Variants in UBN1 observed in about 807,000 individuals in gnomAD.
UBN1 encodes ubinuclein 1, also known as ubinuclein-1.
UBN1 carries 17 observed loss-of-function variants against 108.5 expected under a neutral mutation model. The observed-to-expected ratio is 0.16, with a 90% CI of 0.11 to 0.24. UBN1 has a LOEUF of 0.24. Ranked by LOEUF, UBN1 falls within the 10% of genes least tolerant of loss-of-function variation. The probability of loss-of-function intolerance (pLI) is 1.00; values close to 1 mark genes in which losing one functional copy is unlikely to be tolerated. For missense variants in UBN1, 1,595 were observed against 1,394.4 expected (o/e 1.14, Z -2.29); for synonymous variants, 726 against 564.2 (o/e 1.29, Z -4.07).
At chr16:4,857,111 A>G (rs111431826) in intron 2 of UBN1, among the ~76,000 whole-genome samples, 17,668 of 151,972 alleles carry the variant, frequency 0.12, 1,272 homozygotes, top group South Asian at 0.26. Flanking sequence ...GGAGGCTGAG[A>G]TGGGCAGATC....
intron 14 of UBN1, among the ~76,000 whole-genome samples, 197 bp from the exon 15 acceptor site, chr16:4,874,014 T>C (rs1398550319): frequency 6.6e-6 from 1 of 152,170 alleles, no homozygotes; most frequent in Non-Finnish European, 1.5e-5. Context: ...GCCAACCAGA[T>C]ACTCACCAGG....
chr16:4,877,813 A>AG lies in UBN1; in HGVS notation c.3355+342dup. ...CTCTTCAGTTTAAAAAAAAAAAAAAAGGGAAGGTAATGGTGCATCTTCTCC... is the reference window on the plus strand; with the variant it reads ...CTCTTCAGTTTAAAAAAAAAAAAAAAGGGGAAGGTAATGGTGCATCTTCTCC... On this transcript the variant is annotated intron_variant, in intron 17 of 17. Coordinates refer to ENST00000262376, the MANE Select transcript of UBN1 (RefSeq NM_001079514.3). The surrounding 1 kb of genome is among the most constrained non-coding windows in gnomAD (Gnocchi z 4.3). The AG allele has an allele frequency of 3.9e-6, 4 of 1,022,438 alleles. No homozygotes were observed. Among genetic ancestry groups the AG allele is most frequent in the Non-Finnish European group, 4.7e-6 (4 of 851,800 alleles). 63.3% of individuals were successfully genotyped at this position (1,022,438 alleles called of 1,614,324 possible). A position where few individuals can be genotyped will look rare whatever the true frequency, so the allele number is the denominator to read the frequency against.
Position 4,876,956 on chromosome 16 carries a change from C to T in UBN1, c.3110C>T (p.Ala1037Val), listed in dbSNP as rs747992725. 7 of 1,614,208 alleles carry T rather than the reference C, an allele frequency of 4.3e-6. No individual in the cohort carries two copies. The highest frequency in any genetic ancestry group is 5.1e-6 in the Non-Finnish European group (6 of 1,180,040). Reference protein sequence around the residue: ...YKSSSPKLSGAMSSNSLGIIT... With the variant: ...YKSSSPKLSGVMSSNSLGIIT... Reference sequence around the variant, plus strand: ...TCCAGCAGCCCAAAGCTGTCTGGGGCCATGAGCTCGAACTCCTTGGGAATT... The same window carrying T: ...TCCAGCAGCCCAAAGCTGTCTGGGGTCATGAGCTCGAACTCCTTGGGAATT... Residue 1037 changes from alanine (A) to valine (V), a missense_variant, in exon 16 of 18, where the codon GCC (alanine) becomes GTC (valine). Ala to Val is a moderately conservative substitution (Grantham distance 64, BLOSUM62 0). This residue lies in a region of UBN1 where 1,398 missense variants were observed against 1,194.7 expected (regional missense o/e 1.17). Transcript: ENST00000262376.
chr16:4,878,738 C>A (rs779148002), intron 17 of UBN1, among the ~76,000 whole-genome samples: 4 of 152,184 alleles, frequency 2.6e-5, no homozygotes, highest in Non-Finnish European at 5.9e-5. Context: ...AGGCCGGACG[C>A]GGTGGCTATC....
intron 2 of UBN1, among the ~76,000 whole-genome samples, 176 bp from the exon 3 acceptor site, chr16:4,857,814 G>A (rs2086883522): frequency 6.6e-6 from 1 of 152,160 alleles, no homozygotes; most frequent in South Asian, 2.1e-4. Flanking sequence ...TACATTAAGG[G>A]AAATTTTACT....
At position 4,853,618 on chromosome 16, in the gene UBN1, G is replaced by C. The variant is rs867175268; in HGVS notation, c.249+452G>C. On this transcript the variant is annotated intron_variant, in intron 2 of 17. Coordinates refer to ENST00000262376, the MANE Select transcript of UBN1 (RefSeq NM_001079514.3). Reference sequence around the variant, plus strand: ...TGTCGTCCAGGCTGGAATGCAATGGGGCGATCTCGGCTCACTGTAACCTCC... The same window carrying C: ...TGTCGTCCAGGCTGGAATGCAATGGCGCGATCTCGGCTCACTGTAACCTCC... Among the ~76,000 whole-genome samples the C allele has an allele frequency of 6.9e-4, 105 of 151,314 alleles. 1 individual carries two copies. The Middle Eastern group carries it at 0.024, about 35-fold the overall frequency.
chr16:4,873,436 G>A (rs2087734927), intron 14 of UBN1, among the ~76,000 whole-genome samples: 1 of 152,202 alleles, frequency 6.6e-6, no homozygotes, highest in Non-Finnish European at 1.5e-5. Flanking sequence ...AGCCACAGCA[G>A]AAAGAAAAGG....
intron 8 of UBN1, 43 bp downstream of exon 8, chr16:4,868,946 A>G (rs775651954): frequency 6.2e-6 from 10 of 1,607,528 alleles, no homozygotes; most frequent in Admixed American, 3.4e-5. Flanking sequence ...TGTTTCTGCT[A>G]TTACTGAGCT....
rs765884409 is a variant in UBN1, at chr16:4,874,225, G to A, written c.1815G>A (p.Lys605=). ...TTTTCCTTTAGGAATCGTCTACGAAGCCTGATAAAAAGGTTTCTGTCCCAT... is the reference window on the plus strand; with the variant it reads ...TTTTCCTTTAGGAATCGTCTACGAAACCTGATAAAAAGGTTTCTGTCCCAT... ...SKIKVKESST[K]PDKKVSVPSG... Residue 605 remains lysine, a synonymous_variant, in exon 15 of 18, where the codon AAG becomes AAA. Transcript: ENST00000262376. 1.9e-6 allele frequency: 3 copies of A among 1,560,980 alleles called. No individual in the cohort carries two copies. In the South Asian group the frequency reaches 3.5e-5, roughly 18 times the overall value.
intron 8 of UBN1, among the ~76,000 whole-genome samples, chr16:4,869,279 C>G (rs2087489393): frequency 6.6e-6 from 1 of 152,224 alleles, no homozygotes; most frequent in South Asian, 2.1e-4. Flanking sequence ...GGCCTCGGGC[C>G]TGCTCTGCCT....
In UBN1 at chr16:4,877,319, C is replaced by A; in HGVS notation, c.3266-66C>A. The A allele has an allele frequency of 6.4e-7, 1 of 1,559,668 alleles. No individual in the cohort carries two copies. ...TATCGGGGGCTTTTGGCTGCTGGAGCTGCTTTCCTGTTCCTGTCTTCAATG... is the reference window on the plus strand; with the variant it reads ...TATCGGGGGCTTTTGGCTGCTGGAGATGCTTTCCTGTTCCTGTCTTCAATG... On this transcript the variant is annotated intron_variant, in intron 16 of 17. Coordinates refer to ENST00000262376, the MANE Select transcript of UBN1 (RefSeq NM_001079514.3). This position sits in a 1 kb window ranked among gnomAD's most constrained non-coding sequence, Gnocchi z 4.3.
At chr16:4,879,214 C>G (rs1442290810) in intron 17 of UBN1, among the ~76,000 whole-genome samples, 1 of 152,162 alleles carries the variant, frequency 6.6e-6, no homozygotes, top group Non-Finnish European at 1.5e-5. Context: ...GCTAATAACT[C>G]TAACGTGACA....
chr16:4,866,864 T>TA (rs1596503109), intron 7 of UBN1, among the ~76,000 whole-genome samples: 1 of 152,330 alleles, frequency 6.6e-6, no homozygotes, highest in East Asian at 1.9e-4. Flanking sequence ...ACCCGATAGA[T>TA]ACGCAGACAA....
intron 2 of UBN1, among the ~76,000 whole-genome samples, chr16:4,857,283 T>G (rs2086859221): frequency 6.6e-6 from 1 of 151,112 alleles, no homozygotes; most frequent in Admixed American, 6.6e-5. Flanking sequence ...CTGGGGAGGT[T>G]GAGGCTACAG....
At chr16:4,852,798 T>C in intron 1 of UBN1, 81 bp from the exon 2 acceptor site, 1 of 1,347,410 alleles carries the variant, frequency 7.4e-7, no homozygotes, top group Non-Finnish European at 1.0e-6. Context: ...GAAATTCTCT[T>C]AAACTTAAAT....
intron 7 of UBN1, among the ~76,000 whole-genome samples, chr16:4,863,134 C>T (rs1294191367): frequency 2.0e-5 from 3 of 152,278 alleles, no homozygotes; most frequent in Non-Finnish European, 4.4e-5. Context: ...TCTTTTCTAG[C>T]CTCTGTGTAT....
chr16:4,871,053 T>C, intron 11 of UBN1, 81 bp downstream of exon 11: 1 of 1,602,916 alleles, frequency 6.2e-7, no homozygotes, highest in Non-Finnish European at 8.5e-7. Context: ...TGACAAAGGT[T>C]AGGCTCATTT....
intron 1 of UBN1, among the ~76,000 whole-genome samples, chr16:4,850,196 C>A (rs936766144): frequency 6.6e-6 from 1 of 151,994 alleles, no homozygotes; most frequent in Non-Finnish European, 1.5e-5. Context: ...ATAAAACAAC[C>A]CCAAATCTAA....
At chr16:4,848,891 A>G (rs1429720658) in intron 1 of UBN1, among the ~76,000 whole-genome samples, 1 of 152,194 alleles carries the variant, frequency 6.6e-6, no homozygotes. Context: ...ACCTGAGATC[A>G]GGAGTTCGAG....
Sources: gnomAD v4.1 joint callset for allele counts (sites outside exome capture counted in the v4.1 genomes callset) on GRCh38, gnomAD v4.1.1 for gene constraint, gnomAD v4.1.1 regional missense constraint, Gnocchi (gnomAD v3.1) non-coding constraint, MANE v1.5 for transcripts, NCBI Gene and HGNC (gene_info 2026-07-23, HGNC 2026-07-21) for gene names.